ZNF609: variants seen among roughly 807,000 people sequenced by gnomAD.
The protein encoded by ZNF609 is zinc finger protein 609.
ZNF609 carries 11 observed loss-of-function variants against 109.5 expected under a neutral mutation model. The observed-to-expected ratio is 0.10, with a 90% CI of 0.06 to 0.17. ZNF609 has a LOEUF of 0.17. ZNF609 is among the 10% of genes least tolerant of loss of function. ZNF609 has a pLI of 1.00. For missense variants in ZNF609, 1,559 were observed against 1,772.4 expected (o/e 0.88, Z 2.16); for synonymous variants, 646 against 662.0 (o/e 0.98, Z 0.37).
chr15:64,536,194 T>TA (rs1200265708), intron 2 of ZNF609, among the ~76,000 whole-genome samples: 1 of 152,100 alleles, frequency 6.6e-6, no homozygotes, highest in East Asian at 1.9e-4. Flanking sequence ...CTAATTTTTT[T>TA]ATTTGTTTGT....
chr15:64,469,383 C>G (rs1217364437), intron 1 of ZNF609, among the ~76,000 whole-genome samples: 3 of 141,120 alleles, frequency 2.1e-5, no homozygotes, highest in Non-Finnish European at 4.5e-5. Flanking sequence ...GTGATCTCAC[C>G]ACTGCAATTC....
At position 64,490,549 on chromosome 15, in the gene ZNF609, C is replaced by T. The variant is rs149796685; in HGVS notation, c.-127-8744C>T. ...TTGGCCTCCCAAAGTGCTGGGATTA[C>T]AGGCATGAGCCACCGTGCCCAGCCC... On this transcript the variant is annotated intron_variant, in intron 1 of 9. Transcript: ENST00000326648. Among the ~76,000 whole-genome samples, 6 of 152,294 alleles carry T rather than the reference C, an allele frequency of 3.9e-5. No homozygotes were observed. In the East Asian group the frequency reaches 9.7e-4, roughly 25 times the overall value.
chr15:64,577,859 CAAAA>C (rs926241774), intron 2 of ZNF609, among the ~76,000 whole-genome samples: 1 of 150,978 alleles, frequency 6.6e-6, no homozygotes, highest in African/African-American at 2.4e-5. Context: ...AACTCCGTCT[CAAAA>C]AAAGAAAGCA....
Position 64,520,553 on chromosome 15 carries a change from A to G in ZNF609, c.747+20387A>G, listed in dbSNP as rs138855418. Among the ~76,000 whole-genome samples the G allele has an allele frequency of 7.6e-4, 116 of 152,212 alleles. 4 individuals are homozygous for G. Among genetic ancestry groups the G allele is most frequent in the African/African-American group, 2.7e-3 (112 of 41,532 alleles). On this transcript the variant is annotated intron_variant, in intron 2 of 9. Transcript: ENST00000326648. ...AGCCAGGCTCCCTAACCTGTGTCTCAGTTTTTATTATCCCCAAATCTCTAT... is the reference window on the plus strand; with the variant it reads ...AGCCAGGCTCCCTAACCTGTGTCTCGGTTTTTATTATCCCCAAATCTCTAT...
At chr15:64,554,271 T>C (rs1216410472) in intron 2 of ZNF609, among the ~76,000 whole-genome samples, 5 of 152,186 alleles carry the variant, frequency 3.3e-5, no homozygotes, top group Non-Finnish European at 7.3e-5. Flanking sequence ...GTGTTGAGTG[T>C]TTTATCAGGA....
chr15:64,596,169 T>C (rs1895394737), intron 2 of ZNF609, among the ~76,000 whole-genome samples: 2 of 152,024 alleles, frequency 1.3e-5, no homozygotes, highest in Non-Finnish European at 2.9e-5. Flanking sequence ...TTTTTTCTTT[T>C]GGAGATGGAG....
chr15:64,549,971 GT>G (rs1329088105), intron 2 of ZNF609, among the ~76,000 whole-genome samples: 1 of 151,830 alleles, frequency 6.6e-6, no homozygotes, highest in Non-Finnish European at 1.5e-5. Context: ...TTTTCTTCAT[GT>G]TTTTTTAAGA....
At chr15:64,500,433 C>G in intron 2 of ZNF609, 1 of 691,626 alleles carries the variant, frequency 1.4e-6, no homozygotes, top group Non-Finnish European at 2.6e-6. Flanking sequence ...TTTCTGTAGT[C>G]TGAGTTGAGA....
chr15:64,678,095 G>A (rs752484711), intron 5 of ZNF609, 21 bp from the exon 6 acceptor site: 205 of 1,603,382 alleles, frequency 1.3e-4, no homozygotes, highest in Non-Finnish European at 1.7e-4. Flanking sequence ...ACACCCAGTC[G>A]TTGTTCTGTG....
rs1283784218 is a variant in ZNF609, at chr15:64,577,471, A to ATG, written c.748-45354_748-45353dup. On this transcript the variant is annotated intron_variant, in intron 2 of 9. Coordinates refer to ENST00000326648, the MANE Select transcript of ZNF609 (RefSeq NM_015042.2). ...TACACATATAAATATATACATATAT[A>ATG]TGTATATATATACACATATAAATAT... 4.1e-5 allele frequency among the ~76,000 whole-genome samples: 2 copies of ATG among 48,220 alleles called. 1 individual carries two copies. Among genetic ancestry groups the ATG allele is most frequent in the African/African-American group, 1.2e-4 (2 of 16,592 alleles). 31.6% of individuals were successfully genotyped at this position (48,220 alleles called of 152,430 possible).
At chr15:64,681,635 G>A (rs1177422878) in intron 9 of ZNF609, 57 bp from the exon 10 acceptor site, 1 of 387,090 alleles carries the variant, frequency 2.6e-6, no homozygotes, top group East Asian at 3.8e-5. Flanking sequence ...GTGCCACCTT[G>A]TGGTTTTTTT....
intron 1 of ZNF609, among the ~76,000 whole-genome samples, chr15:64,488,091 C>T (rs1893357050): frequency 6.6e-6 from 1 of 152,096 alleles, no homozygotes; most frequent in South Asian, 2.1e-4. Context: ...TGTTGCAAGG[C>T]TAGGAATACG....
At position 64,670,335 on chromosome 15, in the gene ZNF609, T is replaced by C. The variant is rs778806666; in HGVS notation, c.974-11T>C. ...GTGTCTTGTCTATATCTATGTGCTC[T>C]TATTTTCCAGGGATGTTGGTGGTAA... On this transcript the variant is annotated splice_polypyrimidine_tract_variant and intron_variant, in intron 3 of 9. Transcript: ENST00000326648. 1 of 1,612,524 alleles carries C rather than the reference T, an allele frequency of 6.2e-7. No homozygotes were observed. The highest frequency in any genetic ancestry group is 1.7e-5 in the Admixed American group (1 of 60,012).
intron 2 of ZNF609, among the ~76,000 whole-genome samples, chr15:64,545,208 T>C (rs992097229): frequency 2.6e-5 from 4 of 152,172 alleles, no homozygotes; most frequent in Admixed American, 2.0e-4. Flanking sequence ...ATTTTTTTTT[T>C]TTTCTTTGAG....
intron 3 of ZNF609, among the ~76,000 whole-genome samples, chr15:64,669,037 G>T (rs527531778): frequency 6.6e-6 from 1 of 151,402 alleles, no homozygotes; most frequent in African/African-American, 2.4e-5. Flanking sequence ...TATCAGATTG[G>T]CAAAGAACAA....
At chr15:64,507,720 G>A (rs1355475019) in intron 2 of ZNF609, among the ~76,000 whole-genome samples, 9 of 152,170 alleles carry the variant, frequency 5.9e-5, no homozygotes. Flanking sequence ...GTATCTCTGT[G>A]TATATGTATA....
chr15:64,660,768 G>A (rs1035790794), intron 3 of ZNF609, among the ~76,000 whole-genome samples: 3 of 152,064 alleles, frequency 2.0e-5, no homozygotes, highest in Non-Finnish European at 4.4e-5. Context: ...TTTTTCCGCT[G>A]CCTAAAATGT....
At chr15:64,618,553 G>T (rs1296769143) in intron 2 of ZNF609, among the ~76,000 whole-genome samples, 1 of 152,184 alleles carries the variant, frequency 6.6e-6, no homozygotes, top group Non-Finnish European at 1.5e-5. Context: ...TGGATCAAAT[G>T]TGGGCTTGGA....
intron 2 of ZNF609, among the ~76,000 whole-genome samples, chr15:64,520,922 G>C (rs1489060284): frequency 6.6e-6 from 1 of 152,166 alleles, no homozygotes; most frequent in Non-Finnish European, 1.5e-5. Context: ...CAAAGGAGAG[G>C]CTCACCTGAT....
Sources: gnomAD v4.1 joint callset for allele counts (sites outside exome capture counted in the v4.1 genomes callset) on GRCh38, gnomAD v4.1.1 for gene constraint, MANE v1.5 for transcripts, NCBI Gene and HGNC (gene_info 2026-07-23, HGNC 2026-07-21) for gene names.